The following STK39 variants were observed in gnomAD, a reference collection of about 807,000 sequenced individuals.
The protein encoded by STK39 is serine/threonine kinase 39.
STK39 carries 20 observed loss-of-function variants against 77.8 expected under a neutral mutation model. That is an observed-to-expected ratio of 0.26 (90% CI 0.18 to 0.37). The LOEUF (loss-of-function observed/expected upper bound fraction) is 0.37, where lower values mean the gene tolerates loss of function less well. STK39 is among the 10% of genes least tolerant of loss of function. The probability of loss-of-function intolerance (pLI) is 1.00; values close to 1 mark genes in which losing one functional copy is unlikely to be tolerated. For missense variants in STK39, 479 were observed against 656.5 expected (o/e 0.73, Z 2.95); for synonymous variants, 246 against 234.1 (o/e 1.05, Z -0.47).
At chr2:168,094,237 T>C (rs1574460006) in intron 10 of STK39, among the ~76,000 whole-genome samples, 1 of 152,220 alleles carries the variant, frequency 6.6e-6, no homozygotes, top group East Asian at 1.9e-4. Flanking sequence ...TTCATTCTTC[T>C]CTTGGGTTAC....
intron 14 of STK39, among the ~76,000 whole-genome samples, chr2:168,036,020 G>T (rs915171276): frequency 3.3e-5 from 5 of 152,172 alleles, no homozygotes; most frequent in African/African-American, 1.2e-4. Flanking sequence ...GTATAACACA[G>T]CGAATACGTG....
At chr2:168,134,081 G>A (rs527910131) in intron 8 of STK39, among the ~76,000 whole-genome samples, 2 of 152,246 alleles carry the variant, frequency 1.3e-5, no homozygotes, top group African/African-American at 4.8e-5. Flanking sequence ...GCACAGTCAC[G>A]TCTTACATGG....
chr2:168,096,007 T>C (rs745837605), intron 10 of STK39, among the ~76,000 whole-genome samples: 4 of 152,216 alleles, frequency 2.6e-5, no homozygotes, highest in Non-Finnish European at 5.9e-5. Context: ...AATATCCATA[T>C]GCCTATTGCA....
chr2:168,157,725 T>C (rs1688471155), intron 5 of STK39, among the ~76,000 whole-genome samples: 1 of 152,086 alleles, frequency 6.6e-6, no homozygotes, highest in South Asian at 2.1e-4. Context: ...CACCATCACA[T>C]TGGTAATTAG....
intron 16 of STK39, among the ~76,000 whole-genome samples, chr2:167,990,834 G>A (rs114944666): frequency 1.1e-4 from 16 of 152,204 alleles, no homozygotes; most frequent in East Asian, 3.9e-4. Context: ...AAATTCCTGC[G>A]TACATGGAGC....
At chr2:167,975,092 A>C (rs1683240017) in intron 16 of STK39, among the ~76,000 whole-genome samples, 1 of 152,260 alleles carries the variant, frequency 6.6e-6, no homozygotes, top group Non-Finnish European at 1.5e-5. Context: ...TTAATTAAGC[A>C]TGGACTCATG....
At chr2:168,172,622 C>A (rs1688856707) in intron 2 of STK39, among the ~76,000 whole-genome samples, 1 of 146,306 alleles carries the variant, frequency 6.8e-6, no homozygotes, top group African/African-American at 2.5e-5. Context: ...TTCCTAAGAC[C>A]GTGAGATTCA....
At chr2:168,112,850 T>A (rs1035597314) in intron 10 of STK39, 2 of 152,202 alleles carry the variant, frequency 1.3e-5, no homozygotes, top group African/African-American at 4.8e-5. Context: ...ATGTCATTCA[T>A]CCCAGGCCTC....
chr2:168,170,640 T>C (rs1437808704), intron 2 of STK39, among the ~76,000 whole-genome samples: 1 of 152,118 alleles, frequency 6.6e-6, no homozygotes, highest in East Asian at 1.9e-4. Flanking sequence ...AGTGGCAAAG[T>C]GGTAGACTGA....
rs542095177 is a variant in STK39, at chr2:168,233,130, G to A, written c.208+14098C>T. ...ATGCCAAAAATATTACTATTCTTAC[G>A]TTCATCCTAATGATCACATTTTGAA... is the stretch of plus-strand genomic sequence containing the variant. On this transcript the variant is annotated intron_variant, in intron 1 of 17. Coordinates refer to ENST00000355999, the MANE Select transcript of STK39 (RefSeq NM_013233.3). 1.2e-4 allele frequency among the ~76,000 whole-genome samples: 19 copies of A among 152,076 alleles called. No individual in the cohort carries two copies. The South Asian group carries it at 1.7e-3, about 13-fold the overall frequency.
intron 10 of STK39, among the ~76,000 whole-genome samples, chr2:168,081,907 C>T (rs1053470028): frequency 1.3e-5 from 2 of 152,190 alleles, no homozygotes; most frequent in Admixed American, 1.3e-4. Flanking sequence ...TTCCTCCTTG[C>T]TTTCTGCCAT....
Position 168,161,848 on chromosome 2 carries a change from AG to A in STK39, c.573-7del. 1 of 1,605,958 alleles carries A rather than the reference AG, an allele frequency of 6.2e-7. No homozygotes were observed. The highest frequency in any genetic ancestry group is 8.5e-7 in the Non-Finnish European group (1 of 1,174,526). On this transcript the variant is annotated splice_region_variant and splice_polypyrimidine_tract_variant and intron_variant, in intron 4 of 17. Coordinates refer to ENST00000355999, the MANE Select transcript of STK39 (RefSeq NM_013233.3). ...TATTACCAGCTTTCAAATCCCTATT[AG>A]AAAAAAAAATAGAAAATAAATTGTA...
At chr2:168,144,121 G>A (rs1688069866) in intron 5 of STK39, among the ~76,000 whole-genome samples, 1 of 152,110 alleles carries the variant, frequency 6.6e-6, no homozygotes, top group South Asian at 2.1e-4. Flanking sequence ...AGGATCTGCA[G>A]GTATGGTTAT....
At chr2:168,094,793 G>C (rs1397464728) in intron 10 of STK39, among the ~76,000 whole-genome samples, 1 of 152,080 alleles carries the variant, frequency 6.6e-6, no homozygotes, top group Non-Finnish European at 1.5e-5. Flanking sequence ...CCTCCATTGA[G>C]AAGACACCTT....
chr2:168,069,307 T>C (rs746755999), intron 12 of STK39, among the ~76,000 whole-genome samples: 1 of 152,252 alleles, frequency 6.6e-6, no homozygotes, highest in Non-Finnish European at 1.5e-5. Flanking sequence ...GTTTTCACAT[T>C]GCATCTAATC....
chr2:168,213,232 G>A (rs922865669), intron 1 of STK39, among the ~76,000 whole-genome samples: 20 of 152,180 alleles, frequency 1.3e-4, no homozygotes, highest in African/African-American at 4.6e-4. Context: ...AAGTGCTAGA[G>A]CACAAAACTA....
At chr2:168,098,077 T>C (rs1378922285) in intron 10 of STK39, among the ~76,000 whole-genome samples, 2 of 152,212 alleles carry the variant, frequency 1.3e-5, no homozygotes, top group East Asian at 3.8e-4. Flanking sequence ...AAAACAATAC[T>C]AAGTAATCAC....
At chr2:168,024,835 T>C (rs1684656209) in intron 14 of STK39, among the ~76,000 whole-genome samples, 1 of 152,206 alleles carries the variant, frequency 6.6e-6, no homozygotes, top group Admixed American at 6.5e-5. Flanking sequence ...ACAAGGAAAC[T>C]GAGGCTTAGA....
rs1050401689 is a variant in STK39 at position 168,246,735 on chromosome 2, G to A, written c.208+493C>T. 1.1e-4 allele frequency among the ~76,000 whole-genome samples: 16 copies of A among 150,688 alleles called. No individual in the cohort carries two copies. The East Asian group carries it at 3.1e-3, about 29-fold the overall frequency. ...TACGTGGCCCCGTTACCCACGACGA[G>A]AGGGTCACGACGGGAGGCAGAGGAG... On this transcript the variant is annotated intron_variant, in intron 1 of 17. Coordinates refer to ENST00000355999, the MANE Select transcript of STK39 (RefSeq NM_013233.3).
Sources: allele counts gnomAD v4.1 joint callset (sites outside exome capture counted in the v4.1 genomes callset), GRCh38; gene constraint gnomAD v4.1.1; transcripts MANE v1.5; gene names NCBI Gene and HGNC (gene_info 2026-07-23, HGNC 2026-07-21).